Variants in DCC observed in about 807,000 individuals in gnomAD.
DCC encodes the protein netrin receptor DCC.
A neutral mutation model predicts 172.5 loss-of-function variants in DCC; 58 were observed. The observed-to-expected ratio is 0.34, with a 90% CI of 0.27 to 0.42. The LOEUF is 0.42. Ranked by LOEUF, DCC falls within the 10% of genes least tolerant of loss-of-function variation. DCC has a pLI of 1.00. For synonymous variants in DCC, 709 were observed against 644.5 expected (o/e 1.10, Z -1.52); for missense variants, 1,740 against 1,791.0 (o/e 0.97, Z 0.51).
At chr18:53,019,849 G>A (rs893546299) in intron 5 of DCC, among the ~76,000 whole-genome samples, 1 of 152,090 alleles carries the variant, frequency 6.6e-6, no homozygotes, top group African/African-American at 2.4e-5. Flanking sequence ...AGCCTAACAT[G>A]TTTATTGTCT....
At chr18:53,456,203 A>G (rs2045480763) in intron 23 of DCC, among the ~76,000 whole-genome samples, 1 of 152,224 alleles carries the variant, frequency 6.6e-6, no homozygotes, top group African/African-American at 2.4e-5. Context: ...GGAGACTTAA[A>G]GAATAAGTCA....
intron 2 of DCC, among the ~76,000 whole-genome samples, chr18:52,792,555 G>A (rs1015169134): frequency 2.6e-5 from 4 of 152,294 alleles, no homozygotes; most frequent in South Asian, 2.1e-4. Flanking sequence ...ATGAAAGGAG[G>A]CTGGTTCAAA....
chr18:53,204,743 TAAAG>T (rs1428266012), intron 9 of DCC, among the ~76,000 whole-genome samples: 3 of 152,128 alleles, frequency 2.0e-5, no homozygotes, highest in East Asian at 1.9e-4. Flanking sequence ...AACTCTGACT[TAAAG>T]AAAGACAATG....
chr18:52,860,992 C>A (rs1277840618), intron 2 of DCC, among the ~76,000 whole-genome samples: 1 of 129,844 alleles, frequency 7.7e-6, no homozygotes, highest in East Asian at 2.2e-4. Context: ...GATGACAAAG[C>A]GAGAATCTGA....
intron 1 of DCC, among the ~76,000 whole-genome samples, chr18:52,487,489 AG>A (rs2030284171): frequency 6.6e-6 from 1 of 152,152 alleles, no homozygotes; most frequent in Non-Finnish European, 1.5e-5. Flanking sequence ...AATAACGAAA[AG>A]CACTAAATTA....
intron 11 of DCC, among the ~76,000 whole-genome samples, chr18:53,214,545 G>A (rs948920361): frequency 8.5e-5 from 13 of 152,150 alleles, no homozygotes; most frequent in Middle Eastern, 3.4e-3. Flanking sequence ...TAAAAGAAGG[G>A]GAAAGATGTC....
At chr18:52,535,282 G>C (rs1270527109) in intron 1 of DCC, among the ~76,000 whole-genome samples, 1 of 152,126 alleles carries the variant, frequency 6.6e-6, no homozygotes, top group Non-Finnish European at 1.5e-5. Flanking sequence ...TCCTGAATCT[G>C]CTCCTGGTTT....
At chr18:53,398,810 G>A (rs1451402879) in intron 18 of DCC, among the ~76,000 whole-genome samples, 1 of 152,274 alleles carries the variant, frequency 6.6e-6, no homozygotes, top group South Asian at 2.1e-4. Context: ...TTTTAGAAAT[G>A]TGGTTAGTAG....
At chr18:52,930,668 T>G (rs962777722) in intron 5 of DCC, among the ~76,000 whole-genome samples, 2 of 152,186 alleles carry the variant, frequency 1.3e-5, no homozygotes, top group African/African-American at 4.8e-5. Flanking sequence ...ATAGTTTTCT[T>G]GGACATTTGC....
chr18:53,027,673 T>A (rs1001530600), intron 5 of DCC, among the ~76,000 whole-genome samples: 1 of 152,138 alleles, frequency 6.6e-6, no homozygotes, highest in Non-Finnish European at 1.5e-5. Context: ...TCTTTTTTTC[T>A]CTCTTCTTTT....
intron 2 of DCC, among the ~76,000 whole-genome samples, chr18:52,778,979 C>T (rs2037483770): frequency 6.6e-6 from 1 of 152,094 alleles, no homozygotes. Context: ...ATCAAGAGTC[C>T]ATTAATGTAT....
intron 25 of DCC, among the ~76,000 whole-genome samples, chr18:53,478,683 C>A (rs1599197387): frequency 6.6e-6 from 1 of 152,206 alleles, no homozygotes; most frequent in African/African-American, 2.4e-5. Context: ...GGTTTCTGGG[C>A]TTTCTAGAAC....
chr18:52,552,878 G>A (rs1335998079), intron 1 of DCC, among the ~76,000 whole-genome samples: 2 of 152,026 alleles, frequency 1.3e-5, no homozygotes, highest in African/African-American at 4.8e-5. Flanking sequence ...CTGATGATAT[G>A]TATACAAGAA....
At chr18:52,380,129 T>G (rs1985522203) in intron 1 of DCC, among the ~76,000 whole-genome samples, 1 of 151,996 alleles carries the variant, frequency 6.6e-6, no homozygotes, top group African/African-American at 2.4e-5. Context: ...CTCCAGCCCT[T>G]TTATAAGTCA....
At chr18:53,014,298 A>G (rs1352407980) in intron 5 of DCC, among the ~76,000 whole-genome samples, 1 of 152,092 alleles carries the variant, frequency 6.6e-6, no homozygotes, top group African/African-American at 2.4e-5. Context: ...TTTTTTTATT[A>G]CATTTTAAGT....
At chr18:53,214,781 G>C (rs968570496) in intron 11 of DCC, among the ~76,000 whole-genome samples, 5 of 152,080 alleles carry the variant, frequency 3.3e-5, no homozygotes, top group Admixed American at 2.0e-4. Context: ...TCAATAAGTG[G>C]TTGTTTTTAA....
chr18:52,931,958 A>G (rs2040313750), intron 5 of DCC: 1 of 152,098 alleles, frequency 6.6e-6, no homozygotes, highest in African/African-American at 2.4e-5. Flanking sequence ...AAAAAAAGAA[A>G]AAACGAAAAT....
chr18:53,044,778 T>C (rs574332318), intron 5 of DCC, among the ~76,000 whole-genome samples: 4 of 151,980 alleles, frequency 2.6e-5, no homozygotes, highest in Non-Finnish European at 5.9e-5. Flanking sequence ...TGCAGAAAAT[T>C]TGTACCAGCT....
chr18:52,780,428 CTCA>C lies in DCC; in HGVS notation c.412+28059_412+28061del, dbSNP rs139326877. ...ATAGGGAAGAAAAAGTAATATTTTCCTCATCATAGCAAGGGTCATGGCTGTGAC... is the reference window on the plus strand; with the variant it reads ...ATAGGGAAGAAAAAGTAATATTTTCCTCATAGCAAGGGTCATGGCTGTGAC... On this transcript the variant is annotated intron_variant, in intron 2 of 28. Transcript: ENST00000442544. Among the ~76,000 whole-genome samples the C allele has an allele frequency of 6.6e-3, 997 of 152,038 alleles. 13 individuals carry two copies. Among genetic ancestry groups the C allele is most frequent in the African/African-American group, 0.022 (929 of 41,466 alleles).
Sources: gnomAD v4.1 joint callset for allele counts (sites outside exome capture counted in the v4.1 genomes callset) on GRCh38, gnomAD v4.1.1 for gene constraint, MANE v1.5 for transcripts, NCBI Gene and HGNC (gene_info 2026-07-23, HGNC 2026-07-21) for gene names.